Variants in CNTLN observed in about 807,000 individuals in gnomAD.
The protein encoded by CNTLN is centlein, centrosomal protein.
In CNTLN, 212 loss-of-function variants were observed where a neutral mutation model predicts 180.0. The ratio of observed to expected loss-of-function variants is 1.18; its 90% confidence interval spans 1.05 to 1.32. The LOEUF (loss-of-function observed/expected upper bound fraction) is 1.32. Ranked by LOEUF, CNTLN falls within the 40% of genes most tolerant of loss-of-function variation. The pLI, the probability that CNTLN is intolerant of heterozygous loss-of-function variation, is 0.00. For missense variants in CNTLN, 2,095 were observed against 1,610.9 expected (o/e 1.30, Z -5.14); for synonymous variants, 722 against 563.1 (o/e 1.28, Z -3.99).
chr9:17,147,824 A>G (rs188731608), intron 2 of CNTLN, among the ~76,000 whole-genome samples: 4 of 152,316 alleles, frequency 2.6e-5, no homozygotes, highest in Admixed American at 2.0e-4. Flanking sequence ...TAAAAATAGT[A>G]TAATAATGCC....
At chr9:17,450,510 C>G (rs921714681) in intron 18 of CNTLN, among the ~76,000 whole-genome samples, 2 of 152,154 alleles carry the variant, frequency 1.3e-5, no homozygotes, top group African/African-American at 4.8e-5. Context: ...ATTATTTTGT[C>G]ATTCAGACTC....
chr9:17,351,051 A>G (rs1401283938), intron 12 of CNTLN, among the ~76,000 whole-genome samples: 1 of 152,196 alleles, frequency 6.6e-6, no homozygotes, highest in Non-Finnish European at 1.5e-5. Flanking sequence ...ACTAAAGGAT[A>G]CTTTTTCAAA....
At chr9:17,203,241 T>G (rs1822676025) in intron 2 of CNTLN, among the ~76,000 whole-genome samples, 1 of 152,330 alleles carries the variant, frequency 6.6e-6, no homozygotes, top group South Asian at 2.1e-4. Flanking sequence ...GTAGGTGACC[T>G]GACCTTTCTC....
At chr9:17,136,444 C>G (rs1424991613) in intron 1 of CNTLN, among the ~76,000 whole-genome samples, 1 of 152,212 alleles carries the variant, frequency 6.6e-6, no homozygotes, top group Non-Finnish European at 1.5e-5. Flanking sequence ...ATTCTCCAGC[C>G]TCAGCCTCCC....
At chr9:17,350,884 T>C (rs779645356) in intron 12 of CNTLN, among the ~76,000 whole-genome samples, 1 of 152,208 alleles carries the variant, frequency 6.6e-6, no homozygotes, top group Non-Finnish European at 1.5e-5. Flanking sequence ...CAGTTACAGC[T>C]GACCAACATA....
chr9:17,217,363 T>C (rs1410317430), intron 2 of CNTLN, among the ~76,000 whole-genome samples: 1 of 152,250 alleles, frequency 6.6e-6, no homozygotes, highest in Admixed American at 6.5e-5. Context: ...AAGAAAGTAT[T>C]ATGCAGCTTG....
intron 2 of CNTLN, among the ~76,000 whole-genome samples, chr9:17,222,799 A>C (rs1266413595): frequency 2.0e-5 from 3 of 151,970 alleles, no homozygotes; most frequent in Admixed American, 1.3e-4. Context: ...CTATTCACTT[A>C]GCTCTTTCTC....
At chr9:17,427,283 CTT>C (rs34174830) in intron 18 of CNTLN, among the ~76,000 whole-genome samples, 266 of 135,806 alleles carry the variant, frequency 2.0e-3, no homozygotes, top group Middle Eastern at 4.0e-3. Flanking sequence ...GTTGCTGCTT[CTT>C]TTTTTTTTTT....
chr9:17,487,425 G>T (rs1832948101), intron 25 of CNTLN, among the ~76,000 whole-genome samples: 1 of 152,128 alleles, frequency 6.6e-6, no homozygotes, highest in Admixed American at 6.6e-5. Flanking sequence ...CACCTGAGGA[G>T]TTCATGGGTT....
chr9:17,142,545 A>G (rs1818176508), intron 1 of CNTLN, among the ~76,000 whole-genome samples: 1 of 152,188 alleles, frequency 6.6e-6, no homozygotes, highest in African/African-American at 2.4e-5. Flanking sequence ...TCTGGACCTA[A>G]GAGTAGAGGA....
chr9:17,359,576 A>G (rs1823129453), intron 12 of CNTLN, among the ~76,000 whole-genome samples: 1 of 151,570 alleles, frequency 6.6e-6, no homozygotes, highest in Non-Finnish European at 1.5e-5. Flanking sequence ...ACTTGAACAG[A>G]TATTTCACAT....
chr9:17,390,235 C>CCTT lies in CNTLN; in HGVS notation c.2079+1982_2079+1983insCTT, dbSNP rs1825999766. On this transcript the variant is annotated intron_variant, in intron 14 of 25. Coordinates refer to ENST00000380647, the MANE Select transcript of CNTLN (RefSeq NM_017738.4). The stretch of plus-strand genomic sequence containing the variant: ...TGTATTTCAGTTTTGAAAAGAGCCT[C>CCTT]TTTTTTTTTTTTTTTTTTTTTGGAG... Among the ~76,000 whole-genome samples the CCTT allele has an allele frequency of 6.5e-5, 5 of 77,408 alleles. 1 individual carries two copies. In the South Asian group the frequency reaches 2.7e-3, roughly 41 times the overall value. The allele number at this position is 77,408 out of a possible 152,430, so 50.8% of individuals were successfully genotyped here.
chr9:17,394,877 A>T lies in CNTLN; in HGVS notation c.2423A>T (p.Glu808Val). ...SHQSADRAKS[E>V]MATMKVRSGR... is the part of the protein sequence containing the mutation. ...CAGTCAGCAGACAGAGCTAAATCCG[A>T]GATGGCCACCATGAAAGTGAGATCT... Residue 808 changes from glutamate to valine, a missense_variant, in exon 15 of 26, where the codon GAG (glutamate) becomes GTG (valine). By Grantham distance (121) the Glu-to-Val change is moderately radical (BLOSUM62 -2). Transcript: ENST00000380647. 6.2e-7 allele frequency: 1 copy of T among 1,614,090 alleles called. No individual in the cohort carries two copies. The highest frequency in any genetic ancestry group is 2.2e-5 in the East Asian group (1 of 44,876).
chr9:17,455,413 G>T (rs1257514215), intron 18 of CNTLN, among the ~76,000 whole-genome samples: 2 of 152,082 alleles, frequency 1.3e-5, no homozygotes, highest in Non-Finnish European at 2.9e-5. Flanking sequence ...TTTTTATATT[G>T]TTAAATTGAA....
chr9:17,419,030 C>T (rs937166141), intron 18 of CNTLN, among the ~76,000 whole-genome samples: 11 of 151,998 alleles, frequency 7.2e-5, no homozygotes, highest in Non-Finnish European at 1.5e-4. Flanking sequence ...GGCCAAACTG[C>T]TAAAGTTTTG....
At chr9:17,466,221 T>G in intron 22 of CNTLN, 103 bp downstream of exon 22, 1 of 952,420 alleles carries the variant, frequency 1.0e-6, no homozygotes. Context: ...ACAAGCTACT[T>G]AAACACTTCA....
chr9:17,293,161 C>T (rs138747674), intron 6 of CNTLN, among the ~76,000 whole-genome samples: 2,422 of 152,312 alleles, frequency 0.016, 67 homozygotes, highest in African/African-American at 0.056. Flanking sequence ...CTGGGATCTT[C>T]GTCCCAGAGG....
chr9:17,176,885 G>A (rs1469036661), intron 2 of CNTLN, among the ~76,000 whole-genome samples: 1 of 152,070 alleles, frequency 6.6e-6, no homozygotes, highest in Non-Finnish European at 1.5e-5. Flanking sequence ...GTTTTTTCTT[G>A]TTATGGTTTT....
chr9:17,477,773 G>A (rs138618603), intron 23 of CNTLN, among the ~76,000 whole-genome samples: 3 of 152,342 alleles, frequency 2.0e-5, no homozygotes, highest in East Asian at 3.9e-4. Flanking sequence ...TGGTGAAAAC[G>A]CTGTGAACAT....
Sources: allele counts gnomAD v4.1 joint callset (sites outside exome capture counted in the v4.1 genomes callset), GRCh38; gene constraint gnomAD v4.1.1; transcripts MANE v1.5; gene names NCBI Gene and HGNC (gene_info 2026-07-23, HGNC 2026-07-21).